Variants in LRP12 observed in about 807,000 individuals in gnomAD.
The protein encoded by LRP12 is LDL receptor related protein 12.
Under a neutral mutation model 66.0 loss-of-function variants are expected in LRP12, and 14 were observed. The ratio of observed to expected loss-of-function variants is 0.21; its 90% CI spans 0.14 to 0.33. LRP12 has a LOEUF of 0.33. Ranked by LOEUF, LRP12 falls within the 10% of genes least tolerant of loss-of-function variation. The probability of loss-of-function intolerance (pLI) is 1.00; values close to 1 mark genes in which losing one functional copy is unlikely to be tolerated. For missense variants in LRP12, 889 were observed against 1,053.4 expected (o/e 0.84, Z 2.16); for synonymous variants, 357 against 359.1 (o/e 0.99, Z 0.07).
chr8:104,508,512 A>G (rs1810942101), intron 3 of LRP12: 1 of 156,710 alleles, frequency 6.4e-6, no homozygotes, highest in South Asian at 1.9e-4. Context: ...ACATACACAT[A>G]TACAGACAGG....
intron 4 of LRP12, 57 bp from the exon 5 acceptor site, chr8:104,498,133 A>G (rs1341605209): frequency 2.6e-5 from 37 of 1,438,586 alleles, no homozygotes; most frequent in Non-Finnish European, 3.4e-5. Flanking sequence ...TATAATCTTT[A>G]AAAGACATAA....
At chr8:104,548,919 CA>C (rs1168874232) in intron 1 of LRP12, among the ~76,000 whole-genome samples, 1 of 148,842 alleles carries the variant, frequency 6.7e-6, no homozygotes, top group African/African-American at 2.6e-5. Context: ...GCCTGGACAA[CA>C]AGAGCAAAAC....
At chr8:104,540,243 A>C (rs1811455545) in intron 1 of LRP12, among the ~76,000 whole-genome samples, 1 of 152,120 alleles carries the variant, frequency 6.6e-6, no homozygotes, top group African/African-American at 2.4e-5. Context: ...GCATGCTAGG[A>C]AAAGAGGCCA....
In LRP12 at chr8:104,490,495, A is replaced by T. The variant is rs751360221; in HGVS notation, c.*178T>A. On this transcript the variant is annotated 3_prime_UTR_variant, in exon 7 of 7. Transcript: ENST00000276654. ...TGCATTTTTAGCTGCTAAAATAGTA[A>T]ACTCTAAGTTCATAGAGTTACAAGT... 1.6e-4 allele frequency: 96 copies of T among 615,552 alleles called. No homozygotes were observed. Among genetic ancestry groups the T allele is most frequent in the Non-Finnish European group, 2.3e-4 (86 of 368,266 alleles). 38.1% of individuals were successfully genotyped at this position (615,552 alleles called of 1,614,324 possible). A position where few individuals can be genotyped will look rare whatever the true frequency, so the allele number is the denominator to read the frequency against.
intron 3 of LRP12, 39 bp downstream of exon 3, chr8:104,508,900 T>C (rs1810947752): frequency 6.6e-7 from 1 of 1,515,154 alleles, no homozygotes; most frequent in Non-Finnish European, 9.0e-7. Context: ...ATTTATGTTT[T>C]GTAATAAATT....
intron 2 of LRP12, among the ~76,000 whole-genome samples, chr8:104,521,563 A>G (rs538944117): frequency 6.6e-6 from 1 of 151,596 alleles, no homozygotes; most frequent in South Asian, 2.1e-4. Context: ...GTAAACTCTG[A>G]AGGTAGACAA....
chr8:104,534,576 T>A (rs181977698), intron 1 of LRP12, among the ~76,000 whole-genome samples: 95 of 152,138 alleles, frequency 6.2e-4, no homozygotes, highest in Admixed American at 1.9e-3. Flanking sequence ...CATTAAAGTA[T>A]TAATGATTTT....
rs1025030860 is a variant in LRP12 at position 104,547,032 on chromosome 8, AAAT to A, written c.80-15072_80-15070del. ...TATTCTGTATATAATATATAATTAT[AAAT>A]AATATACAATTCTATATTATATCAT... On this transcript the variant is annotated intron_variant, in intron 1 of 6. Coordinates refer to ENST00000276654, the MANE Select transcript of LRP12 (RefSeq NM_013437.5). Among the ~76,000 whole-genome samples, 137 of 145,870 alleles carry A rather than the reference AAAT, an allele frequency of 9.4e-4. 1 individual carries two copies. Among genetic ancestry groups the A allele is most frequent in the African/African-American group, 3.3e-3 (133 of 40,298 alleles).
chr8:104,494,961 A>C, intron 6 of LRP12, 116 bp downstream of exon 6: 1 of 860,888 alleles, frequency 1.2e-6, no homozygotes, highest in Non-Finnish European at 1.8e-6. Flanking sequence ...TCTTCCATAC[A>C]TTTAAATCCT....
At chr8:104,547,090 A>T (rs1811578289) in intron 1 of LRP12, among the ~76,000 whole-genome samples, 2 of 140,482 alleles carry the variant, frequency 1.4e-5, no homozygotes, top group South Asian at 4.2e-4. Context: ...ATTCTATATC[A>T]TAGTTTGTAT....
intron 1 of LRP12, among the ~76,000 whole-genome samples, chr8:104,547,029 TATAA>T (rs1417258638): frequency 4.1e-5 from 6 of 145,734 alleles, no homozygotes; most frequent in South Asian, 2.1e-4. Flanking sequence ...AATATATAAT[TATAA>T]ATAATATACA....
intron 1 of LRP12, among the ~76,000 whole-genome samples, chr8:104,532,666 A>G (rs776948057): frequency 5.2e-4 from 79 of 152,144 alleles, no homozygotes; most frequent in Non-Finnish European, 1.1e-3. Context: ...AGTCAGAAAA[A>G]GCTTAGAAGG....
chr8:104,509,637 C>T (rs77131469), intron 2 of LRP12, among the ~76,000 whole-genome samples: 4,661 of 152,036 alleles, frequency 0.031, 238 homozygotes, highest in African/African-American at 0.11. Flanking sequence ...GCTGGTAATT[C>T]GGATATGTCA....
chr8:104,566,303 G>A (rs1176746952), intron 1 of LRP12: 2 of 282,916 alleles, frequency 7.1e-6, no homozygotes, highest in Non-Finnish European at 1.3e-5. Context: ...CAACATTAAG[G>A]TGATCAAGTA....
Position 104,526,284 on chromosome 8 carries a change from C to T in LRP12, c.136+5623G>A, listed in dbSNP as rs1418592994. Among the ~76,000 whole-genome samples the T allele has an allele frequency of 9.2e-5, 14 of 152,134 alleles. No homozygotes were observed. In the East Asian group the frequency reaches 2.5e-3, roughly 27 times the overall value. ...AGGTAATTTATAGATTCAATGCCAT[C>T]CCCATCAAGCTACCAATGACTTCCT... is the stretch of plus-strand genomic sequence containing the variant. On this transcript the variant is annotated intron_variant, in intron 2 of 6. Coordinates refer to ENST00000276654, the MANE Select transcript of LRP12 (RefSeq NM_013437.5).
chr8:104,541,455 G>GA (rs1051974867), intron 1 of LRP12, among the ~76,000 whole-genome samples: 1 of 151,774 alleles, frequency 6.6e-6, no homozygotes, highest in Non-Finnish European at 1.5e-5. Context: ...AGAACGCCAG[G>GA]AAAAAAAATT....
intron 1 of LRP12, among the ~76,000 whole-genome samples, chr8:104,586,257 C>G (rs1270889978): frequency 6.6e-6 from 1 of 152,080 alleles, no homozygotes; most frequent in African/African-American, 2.4e-5. Flanking sequence ...ATATCAGAGC[C>G]CATAAAATCG....
intron 1 of LRP12, among the ~76,000 whole-genome samples, chr8:104,540,474 C>T (rs974518081): frequency 1.3e-5 from 2 of 152,022 alleles, no homozygotes. Context: ...AGGAAAGGCT[C>T]CATAATGTCT....
intron 1 of LRP12, among the ~76,000 whole-genome samples, chr8:104,583,608 C>A (rs1488403893): frequency 6.6e-6 from 1 of 152,184 alleles, no homozygotes; most frequent in Non-Finnish European, 1.5e-5. Context: ...CAGGTTTTAT[C>A]TAACACAGTG....
Sources: gnomAD v4.1 joint callset for allele counts (sites outside exome capture counted in the v4.1 genomes callset) on GRCh38, gnomAD v4.1.1 for gene constraint, MANE v1.5 for transcripts, NCBI Gene and HGNC (gene_info 2026-07-23, HGNC 2026-07-21) for gene names.